The following ZDHHC7 variants were observed in gnomAD, a reference collection of about 807,000 sequenced individuals.
The protein encoded by ZDHHC7 is palmitoyltransferase ZDHHC7.
In ZDHHC7, 12 loss-of-function variants were observed where a neutral mutation model predicts 34.1. The observed-to-expected ratio is 0.35, with a 90% CI of 0.23 to 0.57. The LOEUF (loss-of-function observed/expected upper bound fraction) is 0.57. Ranked by LOEUF, ZDHHC7 falls within the 20% of genes least tolerant of loss-of-function variation. ZDHHC7 has a pLI of 0.84. For synonymous variants in ZDHHC7, 185 were observed against 155.4 expected (o/e 1.19, Z -1.42); for missense variants, 388 against 402.7 (o/e 0.96, Z 0.31).
chr16:84,997,576 A>C (rs958041703), intron 1 of ZDHHC7, among the ~76,000 whole-genome samples: 1 of 150,980 alleles, frequency 6.6e-6, no homozygotes, highest in Non-Finnish European at 1.5e-5. Flanking sequence ...CGGCCTCTAA[A>C]TATTCTTAAA....
At chr16:84,977,315 C>A in intron 6 of ZDHHC7, 90 bp from the exon 7 acceptor site, 2 of 1,507,008 alleles carry the variant, frequency 1.3e-6, no homozygotes, top group Non-Finnish European at 1.8e-6. Context: ...TAGGGCCAGC[C>A]CCTGGCCAGC....
At chr16:85,012,956 C>G (rs961282764), upstream of ZDHHC7, among the ~76,000 whole-genome samples, 6 of 152,038 alleles carry the variant, frequency 3.9e-5, no homozygotes, top group African/African-American at 1.5e-4. Context: ...AAATATGCCT[C>G]TTCGACAGAA....
chr16:85,021,409 CAAAAA>C, the ZDHHC7 span, among the ~76,000 whole-genome samples: 4 of 85,468 alleles, frequency 4.7e-5, no homozygotes, highest in East Asian at 9.5e-4. Context: ...AGACTCCATC[CAAAAA>C]AAAAAAAAAA....
At chr16:85,000,458 A>C (rs1481517329) in intron 1 of ZDHHC7, among the ~76,000 whole-genome samples, 1 of 152,238 alleles carries the variant, frequency 6.6e-6, no homozygotes, top group Non-Finnish European at 1.5e-5. Flanking sequence ...ACAAGTAAAC[A>C]AAAGATACCA....
intron 1 of ZDHHC7, among the ~76,000 whole-genome samples, chr16:85,007,492 A>C (rs75570613): frequency 0.035 from 5,324 of 151,948 alleles, 141 homozygotes; most frequent in Middle Eastern, 0.082. Context: ...TACTAAGACA[A>C]GGATATGTTT....
chr16:84,979,165 C>A, intron 5 of ZDHHC7, 24 bp downstream of exon 5: 1 of 1,578,746 alleles, frequency 6.3e-7, no homozygotes, highest in South Asian at 1.2e-5. Flanking sequence ...AATGTAAATT[C>A]AATACAAAAA....
intron 3 of ZDHHC7, 119 bp downstream of exon 3, chr16:84,990,185 T>A (rs2072489520): frequency 6.5e-6 from 8 of 1,230,560 alleles, no homozygotes; most frequent in Non-Finnish European, 9.1e-6. Flanking sequence ...AATCCACCTT[T>A]CTTGTTCCAC....
At chr16:85,015,396 C>T (rs563000929), upstream of ZDHHC7, among the ~76,000 whole-genome samples, 8 of 152,236 alleles carry the variant, frequency 5.3e-5, no homozygotes, top group East Asian at 7.7e-4. Flanking sequence ...CCACCACGCA[C>T]GGCCTCACAG....
At position 84,975,127 on chromosome 16, in the gene ZDHHC7, C is replaced by A. The variant is rs1328749805; in HGVS notation, c.*1216G>T. The A allele has an allele frequency of 6.5e-6, 1 of 152,684 alleles. No individual in the cohort carries two copies. The highest frequency in any genetic ancestry group is 1.9e-4 in the East Asian group (1 of 5,198). 9.5% of individuals were successfully genotyped at this position (152,684 alleles called of 1,614,324 possible). On this transcript the variant is annotated 3_prime_UTR_variant, in exon 8 of 8. Transcript: ENST00000313732. Reference sequence around the variant, plus strand: ...CTTTCTGGCATAATTTTAAGCTCCGCACCAAGGATCCTATTTTATCACCTG... The same window carrying A: ...CTTTCTGGCATAATTTTAAGCTCCGAACCAAGGATCCTATTTTATCACCTG...
chr16:84,994,053 G>A (rs1298352875), intron 2 of ZDHHC7, among the ~76,000 whole-genome samples: 1 of 152,144 alleles, frequency 6.6e-6, no homozygotes, highest in Non-Finnish European at 1.5e-5. Context: ...CTCTGCCTCC[G>A]CTGAAGCCCT....
In ZDHHC7 at chr16:84,976,414, G is replaced by T; in HGVS notation, c.856C>A (p.Pro286Thr). Residue 286 changes from proline to threonine, a missense_variant, in exon 8 of 8, where the codon CCC becomes ACC. Transcript: ENST00000313732. ...CGCCTAAATCGGAAGCCCACAAAGGGATTCATCCAGAGGAGTGAGGGGGGC... is the reference window on the plus strand; with the variant it reads ...CGCCTAAATCGGAAGCCCACAAAGGTATTCATCCAGAGGAGTGAGGGGGGC... ...GGPPSLLWMN[P>T]FVGFRFRRLP... 6.2e-7 allele frequency: 1 copy of T among 1,614,140 alleles called. No homozygotes were observed. The highest frequency in any genetic ancestry group is 8.5e-7 in the Non-Finnish European group (1 of 1,180,028).
chr16:84,976,263 A>G lies in ZDHHC7; in HGVS notation c.*80T>C, dbSNP rs1325086164. ...AGGTTCCAGTTGCCCTGTTGGTCAC[A>G]GATGAGCTGTTGATATCCTTCAGAC... On this transcript the variant is annotated 3_prime_UTR_variant, in exon 8 of 8. Transcript: ENST00000313732. 8 of 1,560,936 alleles carry G rather than the reference A, an allele frequency of 5.1e-6. No individual in the cohort carries two copies. Among genetic ancestry groups the G allele is most frequent in the Non-Finnish European group, 7.0e-6 (8 of 1,148,824 alleles).
rs2072789892 is a variant in ZDHHC7 at position 85,011,398 on chromosome 16, G to C, written c.-216C>G. The C allele has an allele frequency of 6.6e-6, 1 of 152,608 alleles. No homozygotes were observed. Among genetic ancestry groups the C allele is most frequent in the African/African-American group, 2.4e-5 (1 of 41,384 alleles). The allele number at this position is 152,608 out of a possible 1,614,324, so 9.5% of individuals were successfully genotyped here. On this transcript the variant is annotated 5_prime_UTR_variant, in exon 1 of 8. Transcript: ENST00000313732. ...GCATCATGCGGCCGCGCTCATGGCCGGGCTGGAGCGGGCCCCGCGGCTCGG... is the reference window on the plus strand; with the variant it reads ...GCATCATGCGGCCGCGCTCATGGCCCGGCTGGAGCGGGCCCCGCGGCTCGG...
intron 3 of ZDHHC7, among the ~76,000 whole-genome samples, chr16:84,983,299 C>G (rs747381777): frequency 3.3e-5 from 5 of 152,220 alleles, no homozygotes; most frequent in African/African-American, 7.2e-5. Flanking sequence ...GCTCTGCCAA[C>G]AGCAGATGGC....
intron 1 of ZDHHC7, among the ~76,000 whole-genome samples, chr16:84,999,495 C>A (rs771666034): frequency 3.9e-5 from 6 of 152,094 alleles, no homozygotes; most frequent in Non-Finnish European, 7.4e-5. Flanking sequence ...AGATAACAAA[C>A]ATTGGTGTAT....
rs2072445124 is a variant in ZDHHC7, at chr16:84,986,988, G to A, written c.315+3316C>T. On this transcript the variant is annotated intron_variant, in intron 3 of 7. Transcript: ENST00000313732. Reference sequence around the variant, plus strand: ...CATGCCCACTCTCCCCTTCAGAAAAGTAGACCTGGACATCAGTGACTGCCA... The same window carrying A: ...CATGCCCACTCTCCCCTTCAGAAAAATAGACCTGGACATCAGTGACTGCCA... 2.0e-5 allele frequency among the ~76,000 whole-genome samples: 3 copies of A among 152,186 alleles called. No individual in the cohort carries two copies. In the South Asian group the frequency reaches 6.2e-4, roughly 32 times the overall value.
the ZDHHC7 span, among the ~76,000 whole-genome samples, chr16:85,019,297 C>G: frequency 6.6e-6 from 1 of 150,622 alleles, no homozygotes; most frequent in Non-Finnish European, 1.5e-5. Flanking sequence ...GCAAGCCTCA[C>G]AAAAGGCAGG....
chr16:85,009,853 C>T (rs9935350), intron 1 of ZDHHC7, among the ~76,000 whole-genome samples: 26,096 of 151,430 alleles, frequency 0.17, 2,359 homozygotes, highest in African/African-American at 0.22. Context: ...GGACTACAGG[C>T]GCCCACCACC....
chr16:85,015,705 C>A (rs937235853), upstream of ZDHHC7, among the ~76,000 whole-genome samples: 1 of 151,824 alleles, frequency 6.6e-6, no homozygotes, highest in African/African-American at 2.4e-5. Flanking sequence ...ATTGGCTGGG[C>A]GTGGTGGCGT....
Sources: gnomAD v4.1 joint callset for allele counts (sites outside exome capture counted in the v4.1 genomes callset) on GRCh38, gnomAD v4.1.1 for gene constraint, MANE v1.5 for transcripts, NCBI Gene and HGNC (gene_info 2026-07-23, HGNC 2026-07-21) for gene names.